The following MBTD1 variants were observed in gnomAD, a reference collection of about 807,000 sequenced individuals.
MBTD1 encodes mbt domain containing 1.
A neutral mutation model predicts 87.8 loss-of-function variants in MBTD1; 24 were observed. The ratio of observed to expected loss-of-function variants is 0.27; its 90% CI spans 0.20 to 0.38. The LOEUF is 0.38. MBTD1 is among the 10% of genes least tolerant of loss of function. The pLI is 1.00. For missense variants in MBTD1, 436 were observed against 760.2 expected, an observed-to-expected ratio of 0.57 and a Z score of 5.02; for synonymous variants, 237 against 248.6, an observed-to-expected ratio of 0.95 and a Z score of 0.44.
rs2050212221 is a variant in MBTD1, at chr17:51,179,494, A to ATATATATATATATATATT, written c.*1081_*1082insAATATATATATATATATA. ...CAATTAAAGACAATTTTATATATAT[A>ATATATATATATATATATT]TATATATATATATATATATATATAT... On this transcript the variant is annotated 3_prime_UTR_variant, in exon 17 of 17. Coordinates refer to ENST00000586178, the MANE Select transcript of MBTD1 (RefSeq NM_017643.3). 2.4e-5 allele frequency: 1 copy of ATATATATATATATATATT among 41,462 alleles called. No homozygotes were observed. Among genetic ancestry groups the ATATATATATATATATATT allele is most frequent in the Non-Finnish European group, 4.8e-5 (1 of 20,710 alleles). The allele number at this position is 41,462 out of a possible 1,614,324, so 2.6% of individuals were successfully genotyped here.
At chr17:51,213,109 G>A (rs141538119) in intron 6 of MBTD1, among the ~76,000 whole-genome samples, 180 of 152,242 alleles carry the variant, frequency 1.2e-3, no homozygotes, top group African/African-American at 4.2e-3. Context: ...TACGATCAGG[G>A]CTAACTGCAG....
intron 1 of MBTD1, among the ~76,000 whole-genome samples, chr17:51,259,423 T>A (rs1181050017): frequency 6.6e-6 from 1 of 151,834 alleles, no homozygotes; most frequent in Non-Finnish European, 1.5e-5. Context: ...CACCTTCCCC[T>A]GCAAAGCAAC....
intron 6 of MBTD1, chr17:51,209,400 G>T (rs777243671): frequency 3.8e-5 from 18 of 471,060 alleles, no homozygotes; most frequent in African/African-American, 2.8e-4. Flanking sequence ...AGGGCCACTC[G>T]TGAGGGCTAT....
intron 2 of MBTD1, among the ~76,000 whole-genome samples, chr17:51,254,730 T>C (rs1412437919): frequency 1.4e-4 from 21 of 152,198 alleles, no homozygotes; most frequent in Admixed American, 1.4e-3. Context: ...GAAGGATGTA[T>C]GATAAAATAA....
intron 16 of MBTD1, among the ~76,000 whole-genome samples, chr17:51,190,618 G>T (rs2050745935): frequency 6.7e-6 from 1 of 148,588 alleles, no homozygotes; most frequent in Non-Finnish European, 1.5e-5. Context: ...GCTACTCCAG[G>T]GGCTGAGGTG....
At chr17:51,228,682 C>T (rs1469051871) in intron 2 of MBTD1, among the ~76,000 whole-genome samples, 1 of 150,034 alleles carries the variant, frequency 6.7e-6, no homozygotes, top group Non-Finnish European at 1.5e-5. Context: ...AGGCTGAGGT[C>T]AGGAGTTTGA....
At chr17:51,184,805 A>C (rs1246342456) in intron 16 of MBTD1, 1 of 152,258 alleles carries the variant, frequency 6.6e-6, no homozygotes, top group Non-Finnish European at 1.5e-5. Flanking sequence ...CTATTTCATA[A>C]ATAAGTGCAA....
chr17:51,212,970 C>T (rs57321841), intron 6 of MBTD1, among the ~76,000 whole-genome samples: 5,715 of 152,184 alleles, frequency 0.038, 263 homozygotes, highest in African/African-American at 0.11. Context: ...CCTTGTGATC[C>T]GCCTGCCTCG....
chr17:51,179,876 T>G lies in MBTD1; in HGVS notation c.*700A>C, dbSNP rs571673008. On this transcript the variant is annotated 3_prime_UTR_variant, in exon 17 of 17. Transcript: ENST00000586178. ...CTTGTCAACCATTCCAGTTTAACAC[T>G]TTAGTGTTAGGATAATTCTAATCAT... The G allele has an allele frequency of 6.6e-6, 1 of 152,102 alleles. No individual in the cohort carries two copies. Among genetic ancestry groups the G allele is most frequent in the Non-Finnish European group, 1.5e-5 (1 of 68,010 alleles). The allele number at this position is 152,102 out of a possible 1,614,324, so 9.4% of individuals were successfully genotyped here.
At position 51,179,532 on chromosome 17, in the gene MBTD1, A is replaced by T. The variant is rs1437883311; in HGVS notation, c.*1044T>A. 1.9e-4 allele frequency: 19 copies of T among 100,582 alleles called. No homozygotes were observed. The highest frequency in any genetic ancestry group is 6.5e-4 in the East Asian group (2 of 3,062). The allele number at this position is 100,582 out of a possible 1,614,324, so 6.2% of individuals were successfully genotyped here. A position where few individuals can be genotyped will look rare whatever the true frequency, so the allele number is the denominator to read the frequency against. On this transcript the variant is annotated 3_prime_UTR_variant, in exon 17 of 17. Coordinates refer to ENST00000586178, the MANE Select transcript of MBTD1 (RefSeq NM_017643.3). ...TATATATATATATATATATATATAT[A>T]TATATGGAATTTTAAGAAAATTAAA...
rs2050232044 is a variant in MBTD1, at chr17:51,179,533, T to TAC, written c.*1042_*1043insGT. 9.3e-6 allele frequency: 1 copy of TAC among 107,998 alleles called. No homozygotes were observed. The highest frequency in any genetic ancestry group is 3.1e-4 in the South Asian group (1 of 3,242). The allele number at this position is 107,998 out of a possible 1,614,324, so 6.7% of individuals were successfully genotyped here. On this transcript the variant is annotated 3_prime_UTR_variant, in exon 17 of 17. Coordinates refer to ENST00000586178, the MANE Select transcript of MBTD1 (RefSeq NM_017643.3). ...ATATATATATATATATATATATATATATATGGAATTTTAAGAAAATTAAAT... is the reference window on the plus strand; with the variant it reads ...ATATATATATATATATATATATATATACATATGGAATTTTAAGAAAATTAAAT...
intron 12 of MBTD1, among the ~76,000 whole-genome samples, chr17:51,199,329 G>A (rs546857262): frequency 5.3e-5 from 8 of 151,974 alleles, no homozygotes; most frequent in African/African-American, 1.7e-4. Context: ...CTCATGATCT[G>A]CCCTTCTAAA....
rs562472050 is a variant in MBTD1, at chr17:51,190,540, T to C, written c.1768+1663A>G. 6.0e-5 allele frequency among the ~76,000 whole-genome samples: 9 copies of C among 150,464 alleles called. No individual in the cohort carries two copies. The South Asian group carries it at 1.9e-3, about 32-fold the overall frequency. The stretch of plus-strand genomic sequence containing the variant: ...GAGTTTGAGACCAGCCTGGGTAATA[T>C]GGTGAGACACCATTTCTATAAAAAT... On this transcript the variant is annotated intron_variant, in intron 16 of 16. Coordinates refer to ENST00000586178, the MANE Select transcript of MBTD1 (RefSeq NM_017643.3).
intron 12 of MBTD1, among the ~76,000 whole-genome samples, chr17:51,197,993 G>C (rs575587764): frequency 6.6e-6 from 1 of 152,198 alleles, no homozygotes; most frequent in South Asian, 2.1e-4. Context: ...GTGCTACAAT[G>C]ATGAGCTTCT....
Position 51,235,129 on chromosome 17 carries a change from T to C in MBTD1, c.-48-9920A>G, listed in dbSNP as rs568479460. On this transcript the variant is annotated intron_variant, in intron 2 of 16. Coordinates refer to ENST00000586178, the MANE Select transcript of MBTD1 (RefSeq NM_017643.3). ...AACTACAGAATAAATATCATGAATA[T>C]AGGATGCAATTTTTTTTTTCTTTTG... is the stretch of plus-strand genomic sequence containing the variant. 4.9e-5 allele frequency among the ~76,000 whole-genome samples: 7 copies of C among 141,714 alleles called. No individual in the cohort carries two copies. In the East Asian group the frequency reaches 6.8e-4, roughly 14 times the overall value. The allele number at this position is 141,714 out of a possible 152,430, so 93.0% of individuals were successfully genotyped here. A position where few individuals can be genotyped will look rare whatever the true frequency, so the allele number is the denominator to read the frequency against.
chr17:51,256,522 G>A (rs975269891), intron 2 of MBTD1: 12 of 152,150 alleles, frequency 7.9e-5, no homozygotes, highest in African/African-American at 2.4e-4. Flanking sequence ...TAAGTTATAG[G>A]AGAGAAGTTT....
chr17:51,260,906 C>T (rs755761031), upstream of MBTD1: 21 of 1,590,292 alleles, frequency 1.3e-5, no homozygotes, highest in East Asian at 4.9e-4. Context: ...CGCGTTGCTG[C>T]GGCGTCTGCG....
chr17:51,182,465 A>G lies in MBTD1; in HGVS notation c.1769-1771T>C, dbSNP rs77160426. Among the ~76,000 whole-genome samples, 496 of 152,308 alleles carry G rather than the reference A, an allele frequency of 3.3e-3. 4 individuals are homozygous for G. The highest frequency in any genetic ancestry group is 4.8e-3 in the Non-Finnish European group (326 of 68,034). ...AATGGTTCTTTACACATTTGACTGA[A>G]TATTTCGATACAAGAGATTTCACAT... On this transcript the variant is annotated intron_variant, in intron 16 of 16. Coordinates refer to ENST00000586178, the MANE Select transcript of MBTD1 (RefSeq NM_017643.3).
At chr17:51,191,776 T>G (rs1023409095) in intron 16 of MBTD1, 6 of 159,314 alleles carry the variant, frequency 3.8e-5, no homozygotes, top group Admixed American at 1.3e-4. Context: ...GGAGACAGGG[T>G]TTCACCGTGT....
Sources: allele counts gnomAD v4.1 joint callset (sites outside exome capture counted in the v4.1 genomes callset), GRCh38; gene constraint gnomAD v4.1.1; transcripts MANE v1.5; gene names NCBI Gene and HGNC (gene_info 2026-07-23, HGNC 2026-07-21).